CNTNAP2: variants seen among roughly 807,000 people sequenced by gnomAD.
The protein encoded by CNTNAP2 is contactin-associated protein-like 2.
In CNTNAP2, 98 loss-of-function variants were observed where a neutral mutation model predicts 155.2. That is an observed-to-expected ratio of 0.63 (90% CI 0.54 to 0.75). CNTNAP2 has a LOEUF of 0.75. Ranked by LOEUF, CNTNAP2 falls within the 30% of genes least tolerant of loss-of-function variation. The probability of loss-of-function intolerance (pLI) is 0.00; values close to 1 mark genes in which losing one functional copy is unlikely to be tolerated. For missense variants in CNTNAP2, 1,727 were observed against 1,688.1 expected (o/e 1.02, Z -0.40); for synonymous variants, 651 against 631.2 (o/e 1.03, Z -0.47).
intron 11 of CNTNAP2, among the ~76,000 whole-genome samples, chr7:147,510,467 G>A (rs2116687828): frequency 6.6e-6 from 1 of 152,100 alleles, no homozygotes; most frequent in South Asian, 2.1e-4. Context: ...CCAGTTATGA[G>A]GATAGCAGAC....
At chr7:147,061,758 GAAAACAAAAC>G (rs138559098) in intron 4 of CNTNAP2, among the ~76,000 whole-genome samples, 1 of 151,940 alleles carries the variant, frequency 6.6e-6, no homozygotes, top group African/African-American at 2.4e-5. Context: ...TACTTTATTT[GAAAACAAAAC>G]AAAACAAAAC....
At chr7:146,552,687 G>T (rs1798140202) in intron 1 of CNTNAP2, among the ~76,000 whole-genome samples, 1 of 151,834 alleles carries the variant, frequency 6.6e-6, no homozygotes, top group South Asian at 2.1e-4. Flanking sequence ...TAATGTATGA[G>T]ACCCCTCTTG....
Position 148,415,748 on chromosome 7 carries a change from G to GGAATATAATGGAATATTC in CNTNAP2, c.*133_*150dup. The GGAATATAATGGAATATTC allele has an allele frequency of 1.1e-6, 1 of 901,106 alleles. No homozygotes were observed. Among genetic ancestry groups the GGAATATAATGGAATATTC allele is most frequent in the Non-Finnish European group, 1.7e-6 (1 of 576,100 alleles). 55.8% of individuals were successfully genotyped at this position (901,106 alleles called of 1,614,324 possible). ...GCACAAGTTGGGGGAGGCAGGCAAT[G>GGAATATAATGGAATATTC]GAATATAATGGAATATTCTTGAGAC... is the stretch of plus-strand genomic sequence containing the variant. On this transcript the variant is annotated 3_prime_UTR_variant, in exon 24 of 24. Coordinates refer to ENST00000361727, the MANE Select transcript of CNTNAP2 (RefSeq NM_014141.6).
At chr7:146,629,996 T>C (rs1454206231) in intron 1 of CNTNAP2, among the ~76,000 whole-genome samples, 1 of 140,856 alleles carries the variant, frequency 7.1e-6, no homozygotes, top group Non-Finnish European at 1.5e-5. Context: ...ATGGTGTTCT[T>C]TTTTTTTTAA....
intron 8 of CNTNAP2, among the ~76,000 whole-genome samples, chr7:147,240,495 C>T (rs1803910786): frequency 1.3e-5 from 2 of 152,202 alleles, no homozygotes; most frequent in African/African-American, 4.8e-5. Context: ...TCCCAAGCTC[C>T]AGGCGTTTCA....
intron 3 of CNTNAP2, among the ~76,000 whole-genome samples, chr7:146,900,520 T>C (rs975966362): frequency 6.6e-6 from 1 of 152,178 alleles, no homozygotes; most frequent in African/African-American, 2.4e-5. Context: ...AATCTAAATG[T>C]ATTTGAATGG....
chr7:147,028,239 G>GTGATTTC (rs2129249338), intron 3 of CNTNAP2, among the ~76,000 whole-genome samples: 1 of 152,308 alleles, frequency 6.6e-6, no homozygotes, highest in Non-Finnish European at 1.5e-5. Flanking sequence ...TAGTGCAGAA[G>GTGATTTC]ACTAATTGTA....
At chr7:146,341,913 A>G (rs1050491271) in intron 1 of CNTNAP2, among the ~76,000 whole-genome samples, 2 of 152,204 alleles carry the variant, frequency 1.3e-5, no homozygotes, top group Admixed American at 1.3e-4. Context: ...CAAATAGTTT[A>G]AAATTTTTAA....
chr7:146,291,413 G>GTGCCTA (rs1364614366), intron 1 of CNTNAP2, among the ~76,000 whole-genome samples: 1 of 152,160 alleles, frequency 6.6e-6, no homozygotes, highest in Non-Finnish European at 1.5e-5. Flanking sequence ...TCACGTCTCA[G>GTGCCTA]TGCCTATAAA....
intron 9 of CNTNAP2, among the ~76,000 whole-genome samples, chr7:147,387,892 G>C (rs765220835): frequency 6.6e-6 from 1 of 152,116 alleles, no homozygotes; most frequent in Non-Finnish European, 1.5e-5. Context: ...CCACTTATTT[G>C]AGCACCTATT....
chr7:147,368,552 C>T (rs921354467), intron 9 of CNTNAP2, among the ~76,000 whole-genome samples: 3 of 152,158 alleles, frequency 2.0e-5, no homozygotes, highest in Admixed American at 6.5e-5. Context: ...CTGCTTGGTT[C>T]CTGTCCTTTT....
chr7:147,388,420 C>A (rs374744215), intron 9 of CNTNAP2, among the ~76,000 whole-genome samples: 1 of 152,132 alleles, frequency 6.6e-6, no homozygotes, highest in South Asian at 2.1e-4. Flanking sequence ...TGACCCTGTA[C>A]GTAGGCTGTC....
rs1006154457 is a variant in CNTNAP2 at position 146,664,156 on chromosome 7, C to A, written c.98-110115C>A. Among the ~76,000 whole-genome samples, 817 of 112,074 alleles carry A rather than the reference C, an allele frequency of 7.3e-3. 4 individuals carry two copies. The highest frequency in any genetic ancestry group is 0.016 in the South Asian group (54 of 3,282). 73.5% of individuals were successfully genotyped at this position (112,074 alleles called of 152,430 possible). Reference sequence around the variant, plus strand: ...TCTTAGTTTGTTGTTACAATAAATTCCTTTTTTTTTTTTTTTTTTTTTTTT... The same window carrying A: ...TCTTAGTTTGTTGTTACAATAAATTACTTTTTTTTTTTTTTTTTTTTTTTT... On this transcript the variant is annotated intron_variant, in intron 1 of 23. Coordinates refer to ENST00000361727, the MANE Select transcript of CNTNAP2 (RefSeq NM_014141.6).
chr7:146,774,300 C>T lies in CNTNAP2; in HGVS notation c.127C>T (p.Leu43Phe), dbSNP rs1289290635. The T allele has an allele frequency of 6.2e-7, 1 of 1,613,950 alleles. No individual in the cohort carries two copies. Among genetic ancestry groups the T allele is most frequent in the African/African-American group, 1.3e-5 (1 of 75,020 alleles). ...ATGTGATGAGCCACTTGTCTCTGGA[C>T]TCCCCCATGTGGCTTTCAGCAGCTC... ...QKCDEPLVSG[L>F]PHVAFSSSSS... The change falls in exon 2 of 24, where the codon CTC becomes TTC. Residue 43 changes from leucine to phenylalanine, a missense_variant. Coordinates refer to ENST00000361727, the MANE Select transcript of CNTNAP2 (RefSeq NM_014141.6).
chr7:146,533,696 CTG>C (rs530946952), intron 1 of CNTNAP2, among the ~76,000 whole-genome samples: 33 of 152,056 alleles, frequency 2.2e-4, no homozygotes, highest in Non-Finnish European at 4.1e-4. Flanking sequence ...CTCAGTCCAT[CTG>C]TGTCATTTCC....
intron 1 of CNTNAP2, among the ~76,000 whole-genome samples, chr7:146,595,282 C>A (rs1218298333): frequency 2.6e-5 from 4 of 152,132 alleles, no homozygotes; most frequent in African/African-American, 9.6e-5. Context: ...CTGAATTTTA[C>A]AAGGTTCTAA....
intron 1 of CNTNAP2, among the ~76,000 whole-genome samples, chr7:146,192,436 A>G (rs1798719885): frequency 6.6e-6 from 1 of 152,208 alleles, no homozygotes; most frequent in South Asian, 2.1e-4. Context: ...TAATGAACTC[A>G]CAGTTCAGCA....
chr7:148,357,613 C>T (rs1479926463), intron 21 of CNTNAP2, among the ~76,000 whole-genome samples: 3 of 152,158 alleles, frequency 2.0e-5, no homozygotes, highest in Admixed American at 1.3e-4. Context: ...TGTGACTGTG[C>T]ATCATAGCCT....
At chr7:148,312,631 G>A (rs1585263575) in intron 21 of CNTNAP2, among the ~76,000 whole-genome samples, 1 of 152,282 alleles carries the variant, frequency 6.6e-6, no homozygotes, top group African/African-American at 2.4e-5. Flanking sequence ...AAACAATTTG[G>A]TTGATAAGGC....
Sources: allele counts gnomAD v4.1 joint callset (sites outside exome capture counted in the v4.1 genomes callset), GRCh38; gene constraint gnomAD v4.1.1; transcripts MANE v1.5; gene names NCBI Gene and HGNC (gene_info 2026-07-23, HGNC 2026-07-21).